Variants in KDELR3 observed in about 807,000 individuals in gnomAD.
The protein encoded by KDELR3 is KDEL endoplasmic reticulum protein retention receptor 3, also known as ER lumen protein-retaining receptor 3.
A neutral mutation model predicts 22.7 loss-of-function variants in KDELR3; 26 were observed. The ratio of observed to expected loss-of-function variants is 1.15; its 90% CI spans 0.84 to 1.59. KDELR3 has a LOEUF of 1.59. Ranked by LOEUF, KDELR3 falls within the 40% of genes most tolerant of loss-of-function variation. KDELR3 has a pLI of 0.00. For synonymous variants in KDELR3, 120 were observed against 98.2 expected (o/e 1.22, Z -1.31); for missense variants, 289 against 251.1 (o/e 1.15, Z -1.02).
At chr22:38,469,105 G>C (rs1345635116) in intron 1 of KDELR3, among the ~76,000 whole-genome samples, 1 of 151,994 alleles carries the variant, frequency 6.6e-6, no homozygotes, top group Non-Finnish European at 1.5e-5. Context: ...AGAAGGCTGA[G>C]AGTGGGCCCC....
At position 38,482,693 on chromosome 22, in the gene KDELR3, CCTT is replaced by C; in HGVS notation, c.*160_*162del. The C allele has an allele frequency of 1.5e-6, 1 of 657,402 alleles. No homozygotes were observed. Among genetic ancestry groups the C allele is most frequent in the Non-Finnish European group, 2.7e-6 (1 of 376,810 alleles). The allele number at this position is 657,402 out of a possible 1,614,324, so 40.7% of individuals were successfully genotyped here. On this transcript the variant is annotated 3_prime_UTR_variant, in exon 5 of 5. Coordinates refer to ENST00000216014, the MANE Select transcript of KDELR3 (RefSeq NM_006855.4). ...AAACCTGATCATCCCACCCAGAAGA[CCTT>C]CTCATCAATAGATCGCCCTTAAAGA...
intron 1 of KDELR3, 47 bp downstream of exon 1, chr22:38,468,371 C>T: frequency 2.6e-6 from 4 of 1,563,918 alleles, no homozygotes; most frequent in Non-Finnish European, 2.6e-6. Context: ...CTCTGGCCAG[C>T]CTCATGCCCC....
At chr22:38,474,479 G>A (rs2089544735) in intron 1 of KDELR3, 44 bp from the exon 2 acceptor site, 1 of 1,510,662 alleles carries the variant, frequency 6.6e-7, no homozygotes, top group African/African-American at 1.4e-5. Context: ...GGGCAGGCTT[G>A]GGAGTCTGTG....
intron 1 of KDELR3, among the ~76,000 whole-genome samples, chr22:38,469,576 G>C (rs566649663): frequency 6.6e-6 from 1 of 151,442 alleles, no homozygotes; most frequent in African/African-American, 2.4e-5. Context: ...GACAGTTCAG[G>C]TTCTTCCTCA....
At chr22:38,478,800 G>A (rs770280672) in intron 2 of KDELR3, among the ~76,000 whole-genome samples, 36 of 151,106 alleles carry the variant, frequency 2.4e-4, no homozygotes, top group Non-Finnish European at 4.6e-4. Flanking sequence ...CCGCATGCAT[G>A]CCTGGCTAGT....
Position 38,483,098 on chromosome 22 carries a change from G to GT in KDELR3, c.*563dup, listed in dbSNP as rs1423090468. The GT allele has an allele frequency of 1.3e-5, 2 of 153,046 alleles. No homozygotes were observed. The highest frequency in any genetic ancestry group is 2.9e-5 in the Non-Finnish European group (2 of 68,696). 9.5% of individuals were successfully genotyped at this position (153,046 alleles called of 1,614,324 possible). A position where few individuals can be genotyped will look rare whatever the true frequency, so the allele number is the denominator to read the frequency against. On this transcript the variant is annotated 3_prime_UTR_variant, in exon 5 of 5. Transcript: ENST00000216014. Reference sequence around the variant, plus strand: ...TACCAGGTTTGGCTGGAGGAGTTTTGTGACTCATCTTTTACTGGTTTGAAT... The same window carrying GT: ...TACCAGGTTTGGCTGGAGGAGTTTTGTTGACTCATCTTTTACTGGTTTGAAT...
rs1476938501 is a variant in KDELR3, at chr22:38,468,232, C to T, written c.-2C>T. 3 of 1,613,654 alleles carry T rather than the reference C, an allele frequency of 1.9e-6. No individual in the cohort carries two copies. The Admixed American group carries it at 5.0e-5, about 27-fold the overall frequency. On this transcript the variant is annotated 5_prime_UTR_variant, in exon 1 of 5. Transcript: ENST00000216014. Reference sequence around the variant, plus strand: ...GCGGGCGCACGACTGACTGGCTGGACCATGAACGTGTTCCGAATCCTCGGC... The same window carrying T: ...GCGGGCGCACGACTGACTGGCTGGATCATGAACGTGTTCCGAATCCTCGGC...
chr22:38,471,671 A>G (rs2089525926), intron 1 of KDELR3, among the ~76,000 whole-genome samples: 1 of 152,186 alleles, frequency 6.6e-6, no homozygotes, highest in African/African-American at 2.4e-5. Flanking sequence ...CTCATTAAAA[A>G]TGTTCCCCCA....
rs745572587 is a variant in KDELR3 at position 38,482,641 on chromosome 22, GA to G, written c.*109del. On this transcript the variant is annotated 3_prime_UTR_variant, in exon 5 of 5. Transcript: ENST00000216014. ...AATTTGGGATCAAATGTTAAAACCAGAAAAGTGTTTAGTGTGGATTTCAGCA... is the reference window on the plus strand; with the variant it reads ...AATTTGGGATCAAATGTTAAAACCAGAAAGTGTTTAGTGTGGATTTCAGCA... The G allele has an allele frequency of 3.3e-5, 35 of 1,061,678 alleles. No individual in the cohort carries two copies. Among genetic ancestry groups the G allele is most frequent in the Non-Finnish European group, 4.3e-5 (30 of 695,550 alleles). The allele number at this position is 1,061,678 out of a possible 1,614,324, so 65.8% of individuals were successfully genotyped here.
chr22:38,479,905 A>G (rs1463213334), intron 3 of KDELR3, among the ~76,000 whole-genome samples, 154 bp downstream of exon 3: 3 of 152,206 alleles, frequency 2.0e-5, no homozygotes, highest in Non-Finnish European at 4.4e-5. Flanking sequence ...GCTATTTACA[A>G]TGCTTTAGTT....
At chr22:38,480,407 G>A (rs1451390596) in intron 3 of KDELR3, among the ~76,000 whole-genome samples, 2 of 152,102 alleles carry the variant, frequency 1.3e-5, no homozygotes, top group African/African-American at 4.8e-5. Context: ...GCCTCCCAAA[G>A]TTCTCGGATT....
chr22:38,474,426 T>A (rs2089544402), intron 1 of KDELR3, 97 bp from the exon 2 acceptor site: 1 of 943,696 alleles, frequency 1.1e-6, no homozygotes, highest in East Asian at 2.4e-5. Flanking sequence ...GAGTGGACAC[T>A]CTAGAGGCCT....
chr22:38,477,393 C>A (rs547439358), intron 2 of KDELR3, among the ~76,000 whole-genome samples: 26 of 151,396 alleles, frequency 1.7e-4, no homozygotes, highest in African/African-American at 6.3e-4. Flanking sequence ...TTAGTAGAGA[C>A]GGGGTTTCAC....
Position 38,482,895 on chromosome 22 carries a change from T to TC in KDELR3, c.*361dup. 4.1e-6 allele frequency: 1 copy of TC among 246,374 alleles called. No homozygotes were observed. Among genetic ancestry groups the TC allele is most frequent in the East Asian group, 8.3e-5 (1 of 12,038 alleles). 15.3% of individuals were successfully genotyped at this position (246,374 alleles called of 1,614,324 possible). ...CAACCCCAATCTGGAACAATGTCCC[T>TC]CCTCTTAGAATGTCCCAACTAAAGA... On this transcript the variant is annotated 3_prime_UTR_variant, in exon 5 of 5. Transcript: ENST00000216014.
chr22:38,474,546 C>A lies in KDELR3; in HGVS notation c.115C>A (p.Leu39Met). ...CKGISGKSQI[L>M]FALVFTTRYL... is the part of the protein sequence containing the mutation. ...AGGCATCTCTGGGAAGAGCCAGATCCTGTTTGCTCTCGTCTTCACCACCAG... is the reference window on the plus strand; with the variant it reads ...AGGCATCTCTGGGAAGAGCCAGATCATGTTTGCTCTCGTCTTCACCACCAG... Residue 39 changes from leucine (L) to methionine (M), a missense_variant, in exon 2 of 5, where the codon CTG becomes ATG. Transcript: ENST00000216014. The A allele has an allele frequency of 1.2e-6, 2 of 1,614,022 alleles. No individual in the cohort carries two copies. Among genetic ancestry groups the A allele is most frequent in the Admixed American group, 3.3e-5 (2 of 59,998 alleles).
chr22:38,478,654 T>TTTTTTTC, intron 2 of KDELR3, among the ~76,000 whole-genome samples: 1 of 117,338 alleles, frequency 8.5e-6, no homozygotes, highest in Non-Finnish European at 1.8e-5. Flanking sequence ...TTTTTTTTTT[T>TTTTTTTC]TTTTTGAGAC....
At chr22:38,473,394 T>TTGCACCAC (rs1569131591) in intron 1 of KDELR3, among the ~76,000 whole-genome samples, 1 of 152,144 alleles carries the variant, frequency 6.6e-6, no homozygotes, top group African/African-American at 2.4e-5. Context: ...TGAGCTATGA[T>TTGCACCAC]TGCACCACTG....
At chr22:38,470,455 A>C (rs556484664) in intron 1 of KDELR3, among the ~76,000 whole-genome samples, 1 of 152,194 alleles carries the variant, frequency 6.6e-6, no homozygotes, top group Non-Finnish European at 1.5e-5. Context: ...GAAACTGAGC[A>C]AATGACACGG....
chr22:38,481,143 AT>A, intron 3 of KDELR3, 68 bp from the exon 4 acceptor site: 1 of 1,359,944 alleles, frequency 7.4e-7, no homozygotes, highest in Non-Finnish European at 1.0e-6. Context: ...TGTTTTAGTA[AT>A]TATGTTCTTT....
Sources: gnomAD v4.1 joint callset for allele counts (sites outside exome capture counted in the v4.1 genomes callset) on GRCh38, gnomAD v4.1.1 for gene constraint, MANE v1.5 for transcripts, NCBI Gene and HGNC (gene_info 2026-07-23, HGNC 2026-07-21) for gene names.